The following ZBTB20 variants were observed in gnomAD, a reference collection of about 807,000 sequenced individuals.
ZBTB20 encodes the protein zinc finger and BTB domain containing 20, also known as zinc finger and BTB domain-containing protein 20.
ZBTB20 carries 9 observed loss-of-function variants against 56.9 expected under a neutral mutation model. The ratio of observed to expected loss-of-function variants is 0.16; its 90% CI spans 0.10 to 0.28. The LOEUF is 0.28. ZBTB20 is among the 10% of genes least tolerant of loss of function. The probability of loss-of-function intolerance (pLI) is 1.00; values close to 1 mark genes in which losing one functional copy is unlikely to be tolerated. For missense variants in ZBTB20, 655 were observed against 1,003.0 expected (o/e 0.65, Z 4.69); for synonymous variants, 417 against 420.7 (o/e 0.99, Z 0.11).
At chr3:115,014,391 C>G (rs1296480439) in intron 2 of ZBTB20, among the ~76,000 whole-genome samples, 1 of 151,390 alleles carries the variant, frequency 6.6e-6, no homozygotes, top group Non-Finnish European at 1.5e-5. Flanking sequence ...TTTAATTGTA[C>G]ATTTTAAAAA....
intron 7 of ZBTB20, among the ~76,000 whole-genome samples, chr3:114,420,595 T>C (rs574633242): frequency 6.6e-6 from 1 of 152,246 alleles, no homozygotes; most frequent in South Asian, 2.1e-4. Flanking sequence ...TGAAGAATAC[T>C]ATCCAGTCTT....
At position 114,422,502 on chromosome 3, in the gene ZBTB20, C is replaced by T. The variant is rs115367832; in HGVS notation, c.-254-33397G>A. Among the ~76,000 whole-genome samples the T allele has an allele frequency of 2.0e-3, 311 of 152,226 alleles. 1 individual carries two copies. The highest frequency in any genetic ancestry group is 6.4e-3 in the African/African-American group (267 of 41,542). ...ATAAGATTGTAAGAGCAAAGGCATA[C>T]CACTGTCAGAAAATAGATTTACCCT... On this transcript the variant is annotated intron_variant, in intron 7 of 11. Coordinates refer to ENST00000675478, the MANE Select transcript of ZBTB20 (RefSeq NM_001348800.3).
chr3:114,780,455 G>A (rs1245508138), intron 5 of ZBTB20, among the ~76,000 whole-genome samples: 1 of 152,160 alleles, frequency 6.6e-6, no homozygotes, highest in African/African-American at 2.4e-5. Flanking sequence ...CATTGCTAGA[G>A]ACTAGCTTAA....
At chr3:115,049,289 C>T (rs1005017835) in intron 2 of ZBTB20, among the ~76,000 whole-genome samples, 4 of 152,092 alleles carry the variant, frequency 2.6e-5, no homozygotes, top group African/African-American at 4.8e-5. Flanking sequence ...ACCATACATT[C>T]TCAAAGAAAA....
At chr3:115,068,878 T>C (rs2082302875) in intron 2 of ZBTB20, among the ~76,000 whole-genome samples, 1 of 151,856 alleles carries the variant, frequency 6.6e-6, no homozygotes, top group South Asian at 2.1e-4. Context: ...CATTGCTTGT[T>C]TGAAAAAAAA....
intron 5 of ZBTB20, among the ~76,000 whole-genome samples, chr3:114,748,972 G>T (rs1271502623): frequency 6.6e-6 from 1 of 152,152 alleles, no homozygotes; most frequent in Non-Finnish European, 1.5e-5. Flanking sequence ...AGGCCTACAG[G>T]ATATGTTTGT....
intron 5 of ZBTB20, among the ~76,000 whole-genome samples, chr3:114,775,890 G>A (rs1275686135): frequency 6.6e-6 from 1 of 152,082 alleles, no homozygotes; most frequent in Non-Finnish European, 1.5e-5. Context: ...TTAGGATTAG[G>A]ATGGAAATTA....
At chr3:115,105,501 T>G (rs2083695197) in intron 1 of ZBTB20, among the ~76,000 whole-genome samples, 1 of 152,206 alleles carries the variant, frequency 6.6e-6, no homozygotes, top group Admixed American at 6.5e-5. Context: ...TCTGTGGTTG[T>G]GAGTCAAATC....
At chr3:114,537,053 C>T (rs769537685) in intron 6 of ZBTB20, among the ~76,000 whole-genome samples, 3 of 152,024 alleles carry the variant, frequency 2.0e-5, no homozygotes, top group Admixed American at 6.6e-5. Flanking sequence ...AAAACGTAGG[C>T]GATACCATTC....
Position 114,627,449 on chromosome 3 carries a change from G to A in ZBTB20, c.-295+66079C>T, listed in dbSNP as rs187730620. Among the ~76,000 whole-genome samples the A allele has an allele frequency of 4.6e-5, 7 of 152,236 alleles. No homozygotes were observed. In the East Asian group the frequency reaches 1.4e-3, roughly 29 times the overall value. ...TATCAGAATACAAGGGTTAATAGAC[G>A]ATAATTCTTACATCTTAAGCCTACT... On this transcript the variant is annotated intron_variant, in intron 6 of 11. Transcript: ENST00000675478.
chr3:114,452,879 T>C (rs7641589), intron 7 of ZBTB20, among the ~76,000 whole-genome samples: 28,965 of 152,032 alleles, frequency 0.19, 4,307 homozygotes, highest in African/African-American at 0.39. Context: ...AGCTTGAGAA[T>C]TGTTCCCCTT....
chr3:114,465,742 G>C (rs2092523200), intron 7 of ZBTB20, among the ~76,000 whole-genome samples: 1 of 151,586 alleles, frequency 6.6e-6, no homozygotes, highest in African/African-American at 2.4e-5. Context: ...GAAAGGGATA[G>C]GAATCACCAA....
chr3:115,131,619 G>T (rs944495853), intron 1 of ZBTB20, among the ~76,000 whole-genome samples: 19 of 152,046 alleles, frequency 1.2e-4, no homozygotes, highest in African/African-American at 4.6e-4. Context: ...TATTTCTATG[G>T]AATATATTCC....
chr3:114,646,063 C>T (rs2059817678), intron 6 of ZBTB20, among the ~76,000 whole-genome samples: 2 of 112,184 alleles, frequency 1.8e-5, no homozygotes, highest in Admixed American at 1.8e-4. Flanking sequence ...TAGTCATTTA[C>T]TGAGTTCCTT....
At chr3:114,997,215 A>G (rs998320991) in intron 2 of ZBTB20, among the ~76,000 whole-genome samples, 1 of 151,814 alleles carries the variant, frequency 6.6e-6, no homozygotes, top group Non-Finnish European at 1.5e-5. Context: ...TGGAGAGATA[A>G]TCAGGTAGTT....
At position 114,329,286 on chromosome 3, in the gene ZBTB20, C is replaced by G. The variant is rs948183089; in HGVS notation, c.*9719G>C. On this transcript the variant is annotated 3_prime_UTR_variant, in exon 12 of 12. Transcript: ENST00000675478. ...TCATATTGGACCAGTGTGAGGGGGT[C>G]TTTTATACTGAGGTTTTAAAAACCT... 1 of 152,078 alleles carries G rather than the reference C, an allele frequency of 6.6e-6. No homozygotes were observed. The highest frequency in any genetic ancestry group is 1.5e-5 in the Non-Finnish European group (1 of 67,998). 9.4% of individuals were successfully genotyped at this position (152,078 alleles called of 1,614,324 possible).
At chr3:114,854,199 CTG>C (rs2075136400) in intron 4 of ZBTB20, among the ~76,000 whole-genome samples, 1 of 152,122 alleles carries the variant, frequency 6.6e-6, no homozygotes, top group African/African-American at 2.4e-5. Flanking sequence ...TATAAGTTTT[CTG>C]TGAGTGGAAA....
rs1432840976 is a variant in ZBTB20, at chr3:114,350,741, A to C, written c.1337T>G (p.Ile446Ser). Reference sequence around the variant, plus strand: ...CTTGTCGGAGCTGTTGCTGACAGTGATAACAGTGCTGTCCATCTCCACTTC... The same window carrying C: ...CTTGTCGGAGCTGTTGCTGACAGTGCTAACAGTGCTGTCCATCTCCACTTC... ...SNEVEMDSTV[I>S]TVSNSSDKSV... Residue 446 changes from isoleucine (I) to serine (S), a missense_variant, in exon 11 of 12, where the codon ATC (isoleucine) becomes AGC (serine). Ile to Ser is a moderately radical substitution (Grantham distance 142). This residue lies in a region of ZBTB20 where 156 missense variants were observed against 181.0 expected (regional missense o/e 0.86). Transcript: ENST00000675478. 5.0e-6 allele frequency: 8 copies of C among 1,614,082 alleles called. No homozygotes were observed. The highest frequency in any genetic ancestry group is 6.8e-6 in the Non-Finnish European group (8 of 1,180,036).
chr3:115,038,739 G>A (rs902548773), intron 2 of ZBTB20, among the ~76,000 whole-genome samples: 7 of 151,664 alleles, frequency 4.6e-5, no homozygotes, highest in Non-Finnish European at 8.8e-5. Flanking sequence ...TATATTCAAA[G>A]GAAATGTTAA....
Sources: allele counts gnomAD v4.1 joint callset (sites outside exome capture counted in the v4.1 genomes callset), GRCh38; gene constraint gnomAD v4.1.1; regional missense constraint gnomAD v4.1.1; transcripts MANE v1.5; gene names NCBI Gene and HGNC (gene_info 2026-07-23, HGNC 2026-07-21).